DPP6: variants seen among roughly 807,000 people sequenced by gnomAD.
The protein encoded by DPP6 is dipeptidyl peptidase like 6, also known as A-type potassium channel modulatory protein DPP6.
A neutral mutation model predicts 122.6 loss-of-function variants in DPP6; 69 were observed. The observed-to-expected ratio is 0.56, with a 90% CI of 0.46 to 0.69. The LOEUF is 0.69. DPP6 is among the 30% of genes least tolerant of loss of function. The probability of loss-of-function intolerance (pLI) is 0.00; values close to 1 mark genes in which losing one functional copy is unlikely to be tolerated. For synonymous variants in DPP6, 418 were observed against 433.1 expected, an observed-to-expected ratio of 0.97 and a Z score of 0.43; for missense variants, 928 against 1,116.9, an observed-to-expected ratio of 0.83 and a Z score of 2.41.
At chr7:153,929,284 G>A (rs1337694408) in intron 1 of DPP6, among the ~76,000 whole-genome samples, 1 of 152,154 alleles carries the variant, frequency 6.6e-6, no homozygotes, top group African/African-American at 2.4e-5. Flanking sequence ...GGTCAGATAA[G>A]ATGTGGGGAA....
intron 1 of DPP6, among the ~76,000 whole-genome samples, chr7:154,150,442 G>A (rs568941429): frequency 3.3e-5 from 5 of 152,294 alleles, no homozygotes; most frequent in African/African-American, 1.2e-4. Flanking sequence ...CTTTTTCTGG[G>A]AGGATATACT....
upstream of DPP6, among the ~76,000 whole-genome samples, chr7:153,882,889 G>A (rs990729690): frequency 6.6e-6 from 1 of 152,170 alleles, no homozygotes; most frequent in Non-Finnish European, 1.5e-5. Flanking sequence ...TGTGAAACAC[G>A]GAAGATTCCA....
intron 1 of DPP6, among the ~76,000 whole-genome samples, chr7:154,202,427 A>C (rs138554138): frequency 6.6e-6 from 1 of 152,290 alleles, no homozygotes; most frequent in Non-Finnish European, 1.5e-5. Context: ...TGAAAATGCA[A>C]GCCCTTCCAT....
intron 1 of DPP6, among the ~76,000 whole-genome samples, chr7:154,147,334 A>G (rs193287424): frequency 4.1e-4 from 62 of 152,272 alleles, no homozygotes; most frequent in African/African-American, 1.4e-3. Context: ...GGATGAATAC[A>G]TGCATAAACA....
chr7:154,795,319 T>C (rs1017518076), intron 11 of DPP6, among the ~76,000 whole-genome samples: 1 of 152,224 alleles, frequency 6.6e-6, no homozygotes, highest in African/African-American at 2.4e-5. Context: ...GTTTGGTGTC[T>C]GGAGTTTTGT....
At chr7:154,529,138 C>G (rs1182805629) in intron 3 of DPP6, among the ~76,000 whole-genome samples, 1 of 152,116 alleles carries the variant, frequency 6.6e-6, no homozygotes, top group Admixed American at 6.6e-5. Flanking sequence ...AAGGTGATGA[C>G]AATCAGAACC....
chr7:154,708,865 T>C (rs1439126945), intron 7 of DPP6, among the ~76,000 whole-genome samples: 9 of 152,098 alleles, frequency 5.9e-5, no homozygotes, highest in Admixed American at 3.3e-4. Context: ...CTGGCCACCA[T>C]GGTGAAACCC....
chr7:154,050,511 G>A (rs571702573), upstream of DPP6, among the ~76,000 whole-genome samples: 43 of 151,952 alleles, frequency 2.8e-4, 1 homozygote, highest in African/African-American at 9.9e-4. Flanking sequence ...GCGATGCTGC[G>A]GTGAATAGCA....
chr7:154,406,890 A>T (rs926600769), intron 1 of DPP6, among the ~76,000 whole-genome samples: 3 of 152,140 alleles, frequency 2.0e-5, no homozygotes, highest in Non-Finnish European at 4.4e-5. Flanking sequence ...ATGACCACAC[A>T]TCTGTTCCCA....
At chr7:154,667,095 C>G (rs917380107) in intron 6 of DPP6, among the ~76,000 whole-genome samples, 39 of 151,980 alleles carry the variant, frequency 2.6e-4, no homozygotes, top group African/African-American at 8.9e-4. Context: ...ATTTGAGTAC[C>G]TTTCATATGT....
chr7:153,926,730 GA>G (rs1425673444), intron 1 of DPP6, among the ~76,000 whole-genome samples: 1 of 151,666 alleles, frequency 6.6e-6, no homozygotes, highest in Non-Finnish European at 1.5e-5. Context: ...TTGCCGATTA[GA>G]ATTTCTCCCT....
intron 20 of DPP6, among the ~76,000 whole-genome samples, chr7:154,878,741 C>T (rs1308839878): frequency 1.3e-5 from 2 of 152,132 alleles, no homozygotes; most frequent in African/African-American, 2.4e-5. Flanking sequence ...TGTGTAAACC[C>T]GACTAGGGCC....
At chr7:154,201,841 C>T (rs996036764) in intron 1 of DPP6, among the ~76,000 whole-genome samples, 2 of 152,208 alleles carry the variant, frequency 1.3e-5, no homozygotes, top group Non-Finnish European at 2.9e-5. Context: ...GTCCTGAAAC[C>T]ATCACTTAAG....
intron 1 of DPP6, among the ~76,000 whole-genome samples, chr7:154,053,376 A>G (rs906223461): frequency 6.6e-6 from 1 of 152,148 alleles, no homozygotes; most frequent in African/African-American, 2.4e-5. Flanking sequence ...TGTTTTTAAC[A>G]GCATGCTGCT....
chr7:154,197,926 G>A (rs1053637837), intron 1 of DPP6, among the ~76,000 whole-genome samples: 2 of 152,152 alleles, frequency 1.3e-5, no homozygotes, highest in Non-Finnish European at 1.5e-5. Flanking sequence ...TCCAGCAGGA[G>A]CGGCCCACCC....
intron 6 of DPP6, among the ~76,000 whole-genome samples, chr7:154,641,675 A>G (rs1405403327): frequency 6.6e-6 from 1 of 152,234 alleles, no homozygotes; most frequent in Non-Finnish European, 1.5e-5. Flanking sequence ...AATAATAGTA[A>G]TAATATATTT....
intron 7 of DPP6, among the ~76,000 whole-genome samples, chr7:154,709,911 G>T (rs1055055136): frequency 6.6e-6 from 1 of 152,218 alleles, no homozygotes; most frequent in Non-Finnish European, 1.5e-5. Context: ...CCTGACACCT[G>T]CTTTGAAGCA....
chr7:153,759,710 T>C, the DPP6 span, among the ~76,000 whole-genome samples: 1 of 152,140 alleles, frequency 6.6e-6, no homozygotes, highest in Non-Finnish European at 1.5e-5. Flanking sequence ...TAACACCATA[T>C]GAAAATATTA....
intron 1 of DPP6, among the ~76,000 whole-genome samples, chr7:154,221,051 C>T (rs972915380): frequency 1.3e-5 from 2 of 152,132 alleles, no homozygotes; most frequent in African/African-American, 2.4e-5. Flanking sequence ...GGCATAAAAA[C>T]GGGGTTCCTG....
Sources: gnomAD v4.1 joint callset for allele counts (sites outside exome capture counted in the v4.1 genomes callset) on GRCh38, gnomAD v4.1.1 for gene constraint, MANE v1.5 for transcripts, NCBI Gene and HGNC (gene_info 2026-07-23, HGNC 2026-07-21) for gene names.